CEP76: variants seen among roughly 807,000 people sequenced by gnomAD.
CEP76 encodes the protein centrosomal protein 76.
CEP76 carries 55 observed loss-of-function variants against 83.3 expected under a neutral mutation model. That is an observed-to-expected ratio of 0.66 (90% CI 0.53 to 0.83). The LOEUF is 0.83. Ranked by LOEUF, CEP76 falls within the 40% of genes least tolerant of loss-of-function variation. CEP76 has a pLI of 0.00. For synonymous variants in CEP76, 270 were observed against 274.5 expected, an observed-to-expected ratio of 0.98 and a Z score of 0.16; for missense variants, 694 against 799.5, an observed-to-expected ratio of 0.87 and a Z score of 1.59.
At chr18:12,683,509 AGG>A (rs2039425709) in intron 8 of CEP76, among the ~76,000 whole-genome samples, 1 of 151,846 alleles carries the variant, frequency 6.6e-6, no homozygotes, top group Non-Finnish European at 1.5e-5. Context: ...TCAGCACTTT[AGG>A]AGGCAGAGGC....
At chr18:12,684,708 C>T (rs1437572842) in intron 8 of CEP76, 2 of 151,518 alleles carry the variant, frequency 1.3e-5, no homozygotes, top group Admixed American at 1.3e-4. Context: ...TTCTAGAACT[C>T]CCGACCACAG....
In CEP76 at chr18:12,701,034, GAT is replaced by G; in HGVS notation, c.141_142del (p.Leu47PhefsTer10). ...AAGGGCTTTGATCAAATCTTCTGTT[GAT>G]AAATGCTGTTGATCAGGTGCCAATT... On this transcript the variant is annotated frameshift_variant, in exon 2 of 12. Transcript: ENST00000262127. LOFTEE classifies it high-confidence loss of function. The G allele has an allele frequency of 6.2e-7, 1 of 1,613,774 alleles. No individual in the cohort carries two copies.
At chr18:12,697,512 C>T (rs947371510) in intron 4 of CEP76, 104 bp from the exon 5 acceptor site, 4 of 767,226 alleles carry the variant, frequency 5.2e-6, no homozygotes, top group Non-Finnish European at 7.8e-6. Context: ...TATATAAAAC[C>T]AAAGAGAACA....
downstream of CEP76, among the ~76,000 whole-genome samples, chr18:12,667,809 C>T (rs2038834837): frequency 7.4e-6 from 1 of 134,268 alleles, no homozygotes; most frequent in African/African-American, 2.7e-5. Flanking sequence ...ATTCACTTAA[C>T]ACAGAAGAAA....
intron 8 of CEP76, among the ~76,000 whole-genome samples, chr18:12,683,878 A>G (rs1432493550): frequency 6.6e-6 from 1 of 151,998 alleles, no homozygotes; most frequent in Non-Finnish European, 1.5e-5. Context: ...TAAATGATAC[A>G]TATACAGCAG....
intron 6 of CEP76, among the ~76,000 whole-genome samples, chr18:12,693,446 A>T (rs1169813154): frequency 2.0e-5 from 3 of 152,102 alleles, no homozygotes; most frequent in Non-Finnish European, 4.4e-5. Context: ...AATTAAAAAA[A>T]ACAAGCTACT....
downstream of CEP76, among the ~76,000 whole-genome samples, chr18:12,668,834 G>A (rs140872660): frequency 5.8e-5 from 8 of 137,962 alleles, 1 homozygote; most frequent in East Asian, 1.8e-3. Flanking sequence ...TTCGCCTCCC[G>A]GGTTTAAGCG....
At chr18:12,668,597 CAAAAAAAAAA>C (rs752216074), downstream of CEP76, among the ~76,000 whole-genome samples, 135 of 72,802 alleles carry the variant, frequency 1.9e-3, no homozygotes, top group Middle Eastern at 9.8e-3. Context: ...GATTCCATCT[CAAAAAAAAAA>C]AAAAAAAAAA....
chr18:12,688,245 A>C (rs1378271035), intron 7 of CEP76, among the ~76,000 whole-genome samples: 6 of 151,898 alleles, frequency 4.0e-5, no homozygotes, highest in African/African-American at 9.7e-5. Flanking sequence ...AAAAAAAAAA[A>C]AACAAAACCT....
intron 12 of CEP76, among the ~76,000 whole-genome samples, chr18:12,662,962 G>A (rs1017234715): frequency 6.6e-6 from 1 of 152,062 alleles, no homozygotes; most frequent in East Asian, 1.9e-4. Context: ...AATGTATGAC[G>A]TTCTGATCTG....
intron 8 of CEP76, chr18:12,685,175 CT>C (rs1233370320): frequency 1.3e-5 from 2 of 151,852 alleles, no homozygotes; most frequent in Non-Finnish European, 2.9e-5. Flanking sequence ...TAATTTTGTA[CT>C]TTTAGTGGAG....
Position 12,702,629 on chromosome 18 carries a change from T to C in CEP76, c.-81A>G. 2 of 1,466,088 alleles carry C rather than the reference T, an allele frequency of 1.4e-6. No homozygotes were observed. The highest frequency in any genetic ancestry group is 1.8e-6 in the Non-Finnish European group (2 of 1,093,540). 90.8% of individuals were successfully genotyped at this position (1,466,088 alleles called of 1,614,324 possible). On this transcript the variant is annotated 5_prime_UTR_variant, in exon 1 of 12. Transcript: ENST00000262127. ...CGGCCCCGGCCGGGCCAGGGAGCGT[T>C]AGGAGCGACTGGAGCACAAAGCGCC... is the stretch of plus-strand genomic sequence containing the variant.
chr18:12,690,085 G>A (rs200892620), intron 7 of CEP76, among the ~76,000 whole-genome samples: 3 of 151,826 alleles, frequency 2.0e-5, no homozygotes, highest in South Asian at 2.1e-4. Context: ...CACCGCGCCC[G>A]GCCAGGAAGC....
intron 6 of CEP76, chr18:12,692,051 C>G (rs1014755621): frequency 2.6e-5 from 4 of 152,088 alleles, no homozygotes; most frequent in African/African-American, 9.7e-5. Context: ...CATGGTGGCT[C>G]ACGCCTGTAA....
intron 12 of CEP76, among the ~76,000 whole-genome samples, chr18:12,664,858 C>T (rs2038772835): frequency 6.6e-6 from 1 of 150,960 alleles, no homozygotes; most frequent in South Asian, 2.1e-4. Flanking sequence ...GTCACCATGC[C>T]CAGCTAACTT....
intron 10 of CEP76, 30 bp downstream of exon 10, chr18:12,678,079 T>C: frequency 6.5e-7 from 1 of 1,546,466 alleles, no homozygotes; most frequent in South Asian, 1.1e-5. Flanking sequence ...AAAAGAAGTA[T>C]GAAACTACAA....
Position 12,697,325 on chromosome 18 carries a change from A to G in CEP76, c.604T>C (p.Phe202Leu), listed in dbSNP as rs780527774. The part of the protein sequence containing the change: ...IHMVLIKTDI[F>L]GETTLVASYF... ...GATGCTACTAAAGTCGTCTCACCAA[A>G]TATGTCTGTTTTGATTAGCACCATA... Residue 202 changes from phenylalanine to leucine, a missense_variant, in exon 5 of 12, where the codon TTT becomes CTT. By Grantham distance (22) the Phe-to-Leu change is conservative. Transcript: ENST00000262127. The G allele has an allele frequency of 6.2e-7, 1 of 1,613,944 alleles. No individual in the cohort carries two copies.
At chr18:12,669,995 C>CAA (rs112045361), downstream of CEP76, among the ~76,000 whole-genome samples, 59 of 129,024 alleles carry the variant, frequency 4.6e-4, no homozygotes, top group African/African-American at 1.1e-3. Flanking sequence ...CAAACTGTCT[C>CAA]AAAAAAAAAA....
chr18:12,668,019 C>G (rs2038840321), downstream of CEP76, among the ~76,000 whole-genome samples: 1 of 151,910 alleles, frequency 6.6e-6, no homozygotes, highest in African/African-American at 2.4e-5. Context: ...AATCCCAGCA[C>G]TTTGGGAGGC....
Sources: gnomAD v4.1 joint callset for allele counts (sites outside exome capture counted in the v4.1 genomes callset) on GRCh38, gnomAD v4.1.1 for gene constraint, MANE v1.5 for transcripts, NCBI Gene and HGNC (gene_info 2026-07-23, HGNC 2026-07-21) for gene names.